The following CCDC146 variants were observed in gnomAD, a reference collection of about 807,000 sequenced individuals.
CCDC146 encodes coiled-coil domain-containing protein 146.
A neutral mutation model predicts 119.3 loss-of-function variants in CCDC146; 92 were observed. The ratio of observed to expected loss-of-function variants is 0.77; its 90% CI spans 0.65 to 0.92. The LOEUF (loss-of-function observed/expected upper bound fraction) is 0.92. CCDC146 is among the 40% of genes least tolerant of loss of function. CCDC146 has a pLI of 0.00. For synonymous variants in CCDC146, 372 were observed against 371.8 expected (o/e 1.00, Z -0.01); for missense variants, 1,000 against 1,103.0 (o/e 0.91, Z 1.32).
chr7:77,245,323 T>C (rs1273781209), intron 4 of CCDC146, among the ~76,000 whole-genome samples: 1 of 152,242 alleles, frequency 6.6e-6, no homozygotes, highest in Non-Finnish European at 1.5e-5. Flanking sequence ...CAGGAGTACT[T>C]ACCTCTCTAA....
At chr7:77,231,184 C>A (rs1383951699) in intron 2 of CCDC146, among the ~76,000 whole-genome samples, 3 of 152,136 alleles carry the variant, frequency 2.0e-5, no homozygotes, top group Non-Finnish European at 4.4e-5. Flanking sequence ...GTTACCAGGT[C>A]CACTGTTGCA....
rs539654558 is a variant in CCDC146 at position 77,190,604 on chromosome 7, G to A, written c.156+22780G>A. On this transcript the variant is annotated intron_variant, in intron 2 of 18. Coordinates refer to ENST00000285871, the MANE Select transcript of CCDC146 (RefSeq NM_020879.3). Reference sequence around the variant, plus strand: ...GTCAGGGGAGGGACTACTTCAAAAAGCAAGGGGGGGCCCACTCATGTTTGG... The same window carrying A: ...GTCAGGGGAGGGACTACTTCAAAAAACAAGGGGGGGCCCACTCATGTTTGG... 2.0e-3 allele frequency among the ~76,000 whole-genome samples: 310 copies of A among 152,310 alleles called. 4 individuals carry two copies. The highest frequency in any genetic ancestry group is 3.1e-3 in the Non-Finnish European group (208 of 68,024).
At chr7:77,294,007 T>C (rs1335438217) in intron 18 of CCDC146, among the ~76,000 whole-genome samples, 1 of 152,246 alleles carries the variant, frequency 6.6e-6, no homozygotes, top group Non-Finnish European at 1.5e-5. Flanking sequence ...ATTCAGATTT[T>C]ACCTGTGGTG....
intron 9 of CCDC146, among the ~76,000 whole-genome samples, chr7:77,266,757 T>G (rs1030686045): frequency 6.6e-6 from 1 of 152,140 alleles, no homozygotes; most frequent in African/African-American, 2.4e-5. Flanking sequence ...GCTCCTTTCA[T>G]GTCCAATTTT....
intron 2 of CCDC146, chr7:77,198,859 C>T: frequency 2.6e-6 from 1 of 378,650 alleles, no homozygotes; most frequent in Non-Finnish European, 4.7e-6. Flanking sequence ...TTTCAAACAC[C>T]TCATTGAAGA....
At chr7:77,228,634 C>T (rs1792563345) in intron 2 of CCDC146, among the ~76,000 whole-genome samples, 1 of 152,116 alleles carries the variant, frequency 6.6e-6, no homozygotes, top group Non-Finnish European at 1.5e-5. Context: ...ATGGATGTGT[C>T]TTTATAATAG....
At chr7:77,234,030 T>C (rs1317812278) in intron 2 of CCDC146, among the ~76,000 whole-genome samples, 8 of 152,154 alleles carry the variant, frequency 5.3e-5, no homozygotes, top group Admixed American at 5.2e-4. Context: ...CTTTTTAGCT[T>C]AAGAACAAAA....
intron 4 of CCDC146, among the ~76,000 whole-genome samples, chr7:77,243,937 A>T (rs1195498522): frequency 6.6e-6 from 1 of 152,038 alleles, no homozygotes; most frequent in Non-Finnish European, 1.5e-5. Context: ...GGAGTGCAGT[A>T]GTGCAATTTT....
chr7:77,235,895 C>T (rs1004902298), intron 2 of CCDC146, among the ~76,000 whole-genome samples: 5 of 151,946 alleles, frequency 3.3e-5, no homozygotes, highest in African/African-American at 1.2e-4. Context: ...CATGGTGAAC[C>T]CCCATCCCTA....
At chr7:77,201,329 A>G (rs1022028623) in intron 2 of CCDC146, among the ~76,000 whole-genome samples, 5 of 151,694 alleles carry the variant, frequency 3.3e-5, no homozygotes, top group African/African-American at 1.2e-4. Flanking sequence ...ATCACCTGAG[A>G]TCAGGAGTTT....
chr7:77,191,264 G>A (rs1220252434), intron 2 of CCDC146, among the ~76,000 whole-genome samples: 4 of 152,124 alleles, frequency 2.6e-5, no homozygotes, highest in Non-Finnish European at 5.9e-5. Context: ...GTTAAGTGAG[G>A]ACTTACTGTA....
rs760849575 is a variant in CCDC146, at chr7:77,182,405, C to T, written c.156+14581C>T. Among the ~76,000 whole-genome samples the T allele has an allele frequency of 3.5e-4, 54 of 152,124 alleles. 1 individual carries two copies. Among genetic ancestry groups the T allele is most frequent in the Non-Finnish European group, 1.2e-4 (8 of 68,016 alleles). ...TAATACTTCAGGGATACTTCACTGC[C>T]TACCATGATTGTTTTACCATCTTAT... is the stretch of plus-strand genomic sequence containing the variant. On this transcript the variant is annotated intron_variant, in intron 2 of 18. Transcript: ENST00000285871.
At chr7:77,280,914 C>G (rs1793751120) in intron 14 of CCDC146, among the ~76,000 whole-genome samples, 2 of 152,100 alleles carry the variant, frequency 1.3e-5, no homozygotes, top group African/African-American at 4.8e-5. Context: ...CCAGCCTGGG[C>G]AATAGGGTGA....
chr7:77,243,753 A>C (rs1792893341), intron 4 of CCDC146, among the ~76,000 whole-genome samples: 1 of 152,236 alleles, frequency 6.6e-6, no homozygotes, highest in African/African-American at 2.4e-5. Context: ...GCATTGTTAT[A>C]GGAGATAACA....
In CCDC146 at chr7:77,294,923, C is replaced by A; in HGVS notation, c.*57C>A. ...AAGACTTCAACCAGGCTTCCTTGTA[C>A]CCACAGGTGAAAAATGTGAGCATAA... On this transcript the variant is annotated 3_prime_UTR_variant, in exon 19 of 19. Transcript: ENST00000285871. The A allele has an allele frequency of 1.4e-6, 2 of 1,403,014 alleles. No individual in the cohort carries two copies. Among genetic ancestry groups the A allele is most frequent in the Admixed American group, 1.9e-5 (1 of 52,264 alleles). The allele number at this position is 1,403,014 out of a possible 1,614,324, so 86.9% of individuals were successfully genotyped here.
At chr7:77,220,101 G>A (rs546288588) in intron 2 of CCDC146, among the ~76,000 whole-genome samples, 7 of 152,158 alleles carry the variant, frequency 4.6e-5, no homozygotes, top group South Asian at 2.1e-4. Context: ...AGCCTGGGGC[G>A]CTGCAGGAGA....
intron 2 of CCDC146, chr7:77,199,885 A>T (rs1343971869): frequency 6.9e-7 from 1 of 1,454,866 alleles, no homozygotes; most frequent in African/African-American, 1.4e-5. Context: ...CTGTGTTCCC[A>T]GGAAAGGGTG....
intron 1 of CCDC146, among the ~76,000 whole-genome samples, chr7:77,147,871 C>T (rs551195681): frequency 3.9e-5 from 6 of 152,342 alleles, no homozygotes; most frequent in Admixed American, 1.3e-4. Context: ...ACCCACTTGA[C>T]GAGGCAGTCT....
chr7:77,261,705 C>T (rs539331728), intron 8 of CCDC146, among the ~76,000 whole-genome samples: 2 of 152,048 alleles, frequency 1.3e-5, no homozygotes, highest in South Asian at 4.2e-4. Flanking sequence ...TCTCGATCTC[C>T]TGACCTCATG....
Sources: allele counts gnomAD v4.1 joint callset (sites outside exome capture counted in the v4.1 genomes callset), GRCh38; gene constraint gnomAD v4.1.1; transcripts MANE v1.5; gene names NCBI Gene and HGNC (gene_info 2026-07-23, HGNC 2026-07-21).